The following SMPD3 variants were observed in gnomAD, a reference collection of about 807,000 sequenced individuals.
SMPD3 encodes the protein sphingomyelin phosphodiesterase 3.
In SMPD3, 21 loss-of-function variants were observed where a neutral mutation model predicts 55.7. The observed-to-expected ratio is 0.38, with a 90% CI of 0.27 to 0.54. The LOEUF (loss-of-function observed/expected upper bound fraction) is 0.54, where lower values mean the gene tolerates loss of function less well. SMPD3 is among the 20% of genes least tolerant of loss of function. The probability of loss-of-function intolerance (pLI) is 0.80; values close to 1 mark genes in which losing one functional copy is unlikely to be tolerated. For synonymous variants in SMPD3, 457 were observed against 404.3 expected, an observed-to-expected ratio of 1.13 and a Z score of -1.56; for missense variants, 842 against 899.6, an observed-to-expected ratio of 0.94 and a Z score of 0.82.
At chr16:68,435,232 C>A (rs2090513265) in intron 1 of SMPD3, among the ~76,000 whole-genome samples, 1 of 152,136 alleles carries the variant, frequency 6.6e-6, no homozygotes, top group Non-Finnish European at 1.5e-5. Flanking sequence ...GGGAAAGGGA[C>A]CTGAGCTGGC....
In SMPD3 at chr16:68,370,862, G is replaced by A. The variant is rs770186333; in HGVS notation, c.1320C>T (p.Leu440=). 49 of 1,613,318 alleles carry A rather than the reference G, an allele frequency of 3.0e-5. No homozygotes were observed. The highest frequency in any genetic ancestry group is 4.2e-5 in the Non-Finnish European group (49 of 1,179,744). The change falls in exon 3 of 9, where the codon CTC becomes CTT. Residue 440 remains leucine, a synonymous_variant. Coordinates refer to ENST00000219334, the MANE Select transcript of SMPD3 (RefSeq NM_018667.4). ...AGGCTGGGCCGAGGTCTCCTACCTT[G>A]AGAAACAGAGCTCCCTTAGAGGCCA... is the stretch of plus-strand genomic sequence containing the variant. ...DALASKGALF[L]KVQVGSTPQD...
At chr16:68,425,183 G>A (rs1181273144) in intron 1 of SMPD3, among the ~76,000 whole-genome samples, 3 of 152,128 alleles carry the variant, frequency 2.0e-5, no homozygotes, top group Non-Finnish European at 4.4e-5. Flanking sequence ...GGCTTACAAG[G>A]GCCAGAATTA....
At position 68,364,816 on chromosome 16, in the gene SMPD3, T is replaced by C; in HGVS notation, c.1490A>G (p.Asn497Ser). 6.2e-7 allele frequency: 1 copy of C among 1,613,822 alleles called. No homozygotes were observed. Among genetic ancestry groups the C allele is most frequent in the South Asian group, 1.1e-5 (1 of 91,082 alleles). Reference sequence around the variant, plus strand: ...GTCAAATGCCACCAGCTCCTCGGGGTTGGCTGCGCTGGACGAGGAGGTAGA... The same window carrying C: ...GTCAAATGCCACCAGCTCCTCGGGGCTGGCTGCGCTGGACGAGGAGGTAGA... ...RKSTSSSSAA[N>S]PEELVAFDVV... The change falls in exon 5 of 9, where the codon AAC (asparagine) becomes AGC (serine). Residue 497 changes from asparagine (N) to serine (S), a missense_variant. Transcript: ENST00000219334.
At chr16:68,381,896 T>A (rs1468672603) in intron 2 of SMPD3, 2 of 151,938 alleles carry the variant, frequency 1.3e-5, no homozygotes, top group Middle Eastern at 6.4e-3. Context: ...TTCTCAAGAA[T>A]ACAGCCAGAT....
intron 1 of SMPD3, among the ~76,000 whole-genome samples, chr16:68,409,685 C>T (rs2090283188): frequency 6.6e-6 from 1 of 152,142 alleles, no homozygotes; most frequent in Non-Finnish European, 1.5e-5. Context: ...GCTCCGCCTC[C>T]TGGGTTCACG....
intron 1 of SMPD3, among the ~76,000 whole-genome samples, chr16:68,428,502 C>T (rs547815889): frequency 1.3e-5 from 2 of 152,178 alleles, no homozygotes; most frequent in African/African-American, 4.8e-5. Context: ...GACTTCTCAT[C>T]CTGGATTTTC....
chr16:68,441,760 T>A (rs570603714), intron 1 of SMPD3, among the ~76,000 whole-genome samples: 16 of 152,248 alleles, frequency 1.1e-4, no homozygotes, highest in East Asian at 3.9e-4. Context: ...AACTTTATTT[T>A]AAAAATTTTT....
At chr16:68,397,801 C>A (rs892135221) in intron 1 of SMPD3, among the ~76,000 whole-genome samples, 6 of 152,118 alleles carry the variant, frequency 3.9e-5, no homozygotes, top group Non-Finnish European at 8.8e-5. Context: ...GGAAGCCTTC[C>A]CCCCTCCCCT....
chr16:68,360,514 TAC>T lies in SMPD3; in HGVS notation c.*690_*691del, dbSNP rs1232547621. 1 of 152,688 alleles carries T rather than the reference TAC, an allele frequency of 6.5e-6. No individual in the cohort carries two copies. The highest frequency in any genetic ancestry group is 2.4e-5 in the African/African-American group (1 of 41,448). 9.5% of individuals were successfully genotyped at this position (152,688 alleles called of 1,614,324 possible). A position where few individuals can be genotyped will look rare whatever the true frequency, so the allele number is the denominator to read the frequency against. Reference sequence around the variant, plus strand: ...GAAGAGCAAAGTTCTATGAGTGACTTACAGACCCTGTGAAGTGAGGGTTGGTT... The same window carrying T: ...GAAGAGCAAAGTTCTATGAGTGACTTAGACCCTGTGAAGTGAGGGTTGGTT... On this transcript the variant is annotated 3_prime_UTR_variant, in exon 9 of 9. Transcript: ENST00000219334.
intron 1 of SMPD3, among the ~76,000 whole-genome samples, chr16:68,432,968 T>C (rs2090492060): frequency 6.6e-6 from 1 of 152,120 alleles, no homozygotes; most frequent in Non-Finnish European, 1.5e-5. Flanking sequence ...CATGCCCAGC[T>C]AATGTTTTTG....
chr16:68,365,245 C>G (rs536149583), intron 3 of SMPD3, among the ~76,000 whole-genome samples, 153 bp from the exon 4 acceptor site: 9 of 152,304 alleles, frequency 5.9e-5, no homozygotes, highest in Admixed American at 2.0e-4. Flanking sequence ...AGGATGTGTC[C>G]TGCTTCTAGG....
chr16:68,406,149 A>G (rs2090253358), intron 1 of SMPD3, among the ~76,000 whole-genome samples: 1 of 152,138 alleles, frequency 6.6e-6, no homozygotes, highest in Admixed American at 6.5e-5. Context: ...ATTTTATTCT[A>G]TACCCAGAAA....
intron 4 of SMPD3, 30 bp downstream of exon 4, chr16:68,364,987 A>G (rs2089433411): frequency 1.2e-6 from 2 of 1,613,916 alleles, no homozygotes; most frequent in Admixed American, 1.7e-5. Context: ...TCCCATGCCT[A>G]GAAAAAACAC....
At chr16:68,445,984 C>G (rs2090606549) in intron 1 of SMPD3, among the ~76,000 whole-genome samples, 1 of 152,158 alleles carries the variant, frequency 6.6e-6, no homozygotes, top group Non-Finnish European at 1.5e-5. Flanking sequence ...CCTAGTATTT[C>G]TGAGACACTG....
In SMPD3 at chr16:68,441,865, G is replaced by A. The variant is rs549480037; in HGVS notation, c.-269+6488C>T. 3.3e-5 allele frequency among the ~76,000 whole-genome samples: 5 copies of A among 152,072 alleles called. No individual in the cohort carries two copies. The East Asian group carries it at 9.7e-4, about 29-fold the overall frequency. On this transcript the variant is annotated intron_variant, in intron 1 of 8. Transcript: ENST00000219334. ...ATTGCAGCCTTGAACTCTTGGGCTC[G>A]AGCAATCCTCCCATCTCAGCCTCCC...
intron 5 of SMPD3, among the ~76,000 whole-genome samples, chr16:68,364,109 C>T (rs2089402933): frequency 1.3e-5 from 2 of 152,218 alleles, no homozygotes; most frequent in African/African-American, 4.8e-5. Flanking sequence ...CCTCTGAGGA[C>T]AGTGACAGTG....
rs563172902 is a variant in SMPD3 at position 68,405,270 on chromosome 16, G to A, written c.-268-18611C>T. On this transcript the variant is annotated intron_variant, in intron 1 of 8. Transcript: ENST00000219334. ...AGGTTTCATTAAGAGAGATGCACAG[G>A]CCGGACGTGGTTGCTCACACCTGTA... is the stretch of plus-strand genomic sequence containing the variant. Among the ~76,000 whole-genome samples, 70 of 152,196 alleles carry A rather than the reference G, an allele frequency of 4.6e-4. 1 individual carries two copies. The highest frequency in any genetic ancestry group is 1.1e-3 in the Admixed American group (17 of 15,282).
intron 1 of SMPD3, among the ~76,000 whole-genome samples, chr16:68,417,618 A>C (rs150023848): frequency 5.6e-4 from 86 of 152,248 alleles, no homozygotes; most frequent in Middle Eastern, 3.4e-3. Flanking sequence ...ACAACTGGGG[A>C]AGAGATTGGG....
chr16:68,419,416 G>A (rs1834103), intron 1 of SMPD3, among the ~76,000 whole-genome samples: 115,623 of 152,154 alleles, frequency 0.76, 44,284 homozygotes, highest in East Asian at 0.88. Context: ...TGGCTGGGTG[G>A]CCAGGAATCT....
Sources: gnomAD v4.1 joint callset for allele counts (sites outside exome capture counted in the v4.1 genomes callset) on GRCh38, gnomAD v4.1.1 for gene constraint, MANE v1.5 for transcripts, NCBI Gene and HGNC (gene_info 2026-07-23, HGNC 2026-07-21) for gene names.